Variants in SDK1 observed in about 807,000 individuals in gnomAD.
The protein encoded by SDK1 is protein sidekick-1.
Under a neutral mutation model 245.5 loss-of-function variants are expected in SDK1, and 157 were observed. The observed-to-expected ratio is 0.64, with a 90% confidence interval of 0.56 to 0.73. The LOEUF (loss-of-function observed/expected upper bound fraction) is 0.73. Ranked by LOEUF, SDK1 falls within the 30% of genes least tolerant of loss-of-function variation. The pLI is 0.00. For missense variants in SDK1, 3,583 were observed against 3,002.3 expected (o/e 1.19, Z -4.52); for synonymous variants, 1,647 against 1,278.5 (o/e 1.29, Z -6.15).
In SDK1 at chr7:4,105,217, C is replaced by T. The variant is rs192539219; in HGVS notation, c.3325-5446C>T. On this transcript the variant is annotated intron_variant, in intron 22 of 44. Coordinates refer to ENST00000404826, the MANE Select transcript of SDK1 (RefSeq NM_152744.4). Reference sequence around the variant, plus strand: ...AGGCTGATCTTGAACTCCTGACCTCCGGTGATCCACTTGCCTTGGTCTCCC... The same window carrying T: ...AGGCTGATCTTGAACTCCTGACCTCTGGTGATCCACTTGCCTTGGTCTCCC... 6.1e-3 allele frequency among the ~76,000 whole-genome samples: 930 copies of T among 151,594 alleles called. 11 individuals carry two copies. The highest frequency in any genetic ancestry group is 0.022 in the African/African-American group (900 of 41,298).
At position 3,418,145 on chromosome 7, in the gene SDK1, G is replaced by GAAAAAAAAAAAAAAAAAA. The variant is rs200914826; in HGVS notation, c.298+116267_298+116284dup. Among the ~76,000 whole-genome samples, 15 of 119,728 alleles carry GAAAAAAAAAAAAAAAAAA rather than the reference G, an allele frequency of 1.3e-4. 2 individuals carry two copies. The highest frequency in any genetic ancestry group is 5.8e-4 in the African/African-American group (15 of 25,784). The allele number at this position is 119,728 out of a possible 152,430, so 78.5% of individuals were successfully genotyped here. On this transcript the variant is annotated intron_variant, in intron 1 of 44. Coordinates refer to ENST00000404826, the MANE Select transcript of SDK1 (RefSeq NM_152744.4). The stretch of plus-strand genomic sequence containing the variant: ...GTGAAACCCGATCTCTACTAAAAAT[G>GAAAAAAAAAAAAAAAAAA]AAAAAAAAAAAAAAAAAAAAAAATA...
intron 28 of SDK1, among the ~76,000 whole-genome samples, chr7:4,135,385 A>G (rs373227201): frequency 6.6e-6 from 1 of 152,214 alleles, no homozygotes; most frequent in East Asian, 1.9e-4. Context: ...GACGCTCTGC[A>G]CTTCCAGGCC....
intron 1 of SDK1, among the ~76,000 whole-genome samples, chr7:3,474,336 C>CG (rs933032761): frequency 6.6e-6 from 1 of 151,670 alleles, no homozygotes; most frequent in African/African-American, 2.4e-5. Flanking sequence ...CCTCGTTGTC[C>CG]GCCTGCCTCA....
At position 4,268,369 on chromosome 7, in the gene SDK1, G is replaced by T. The variant is rs748017123; in HGVS notation, c.*2985G>T. 90 of 1,058,166 alleles carry T rather than the reference G, an allele frequency of 8.5e-5. No homozygotes were observed. The highest frequency in any genetic ancestry group is 1.0e-4 in the Non-Finnish European group (88 of 871,148). 65.5% of individuals were successfully genotyped at this position (1,058,166 alleles called of 1,614,324 possible). A position where few individuals can be genotyped will look rare whatever the true frequency, so the allele number is the denominator to read the frequency against. On this transcript the variant is annotated 3_prime_UTR_variant, in exon 45 of 45. Coordinates refer to ENST00000404826, the MANE Select transcript of SDK1 (RefSeq NM_152744.4). ...CCAGGCCACACCCCCTCGGCCTCCT[G>T]CACGGCCACCTTCTGGGTGAATCGG...
chr7:4,012,036 T>A (rs1390084875), intron 15 of SDK1, 59 bp from the exon 16 acceptor site: 11 of 1,325,450 alleles, frequency 8.3e-6, no homozygotes, highest in Non-Finnish European at 1.1e-5. Context: ...GAAATGCAAA[T>A]GGGCCCCCGC....
chr7:3,332,408 T>C (rs1173274001), intron 1 of SDK1, among the ~76,000 whole-genome samples: 2 of 152,204 alleles, frequency 1.3e-5, no homozygotes, highest in African/African-American at 2.4e-5. Flanking sequence ...TAAATTCTTA[T>C]TCTGTGGGTG....
chr7:3,628,252 AT>A (rs1782179846), intron 2 of SDK1, among the ~76,000 whole-genome samples: 1 of 152,118 alleles, frequency 6.6e-6, no homozygotes, highest in Non-Finnish European at 1.5e-5. Flanking sequence ...TAATTCCCTC[AT>A]AATGCTTATC....
Position 3,460,611 on chromosome 7 carries a change from A to G in SDK1, c.299-158469A>G, listed in dbSNP as rs1020573819. 4.6e-5 allele frequency among the ~76,000 whole-genome samples: 7 copies of G among 152,282 alleles called. No individual in the cohort carries two copies. The East Asian group carries it at 5.8e-4, about 13-fold the overall frequency. On this transcript the variant is annotated intron_variant, in intron 1 of 44. Coordinates refer to ENST00000404826, the MANE Select transcript of SDK1 (RefSeq NM_152744.4). ...CAGATTTAATGACCTGAATCTTGCCATTTCTTTTCTTTAGGCCTACCCTTA... is the reference window on the plus strand; with the variant it reads ...CAGATTTAATGACCTGAATCTTGCCGTTTCTTTTCTTTAGGCCTACCCTTA...
intron 5 of SDK1, among the ~76,000 whole-genome samples, chr7:3,938,038 T>C (rs1780221662): frequency 6.6e-6 from 1 of 152,088 alleles, no homozygotes; most frequent in South Asian, 2.1e-4. Flanking sequence ...GATTTCACCA[T>C]GTTGCCCACA....
At chr7:3,796,185 G>C (rs1370143705) in intron 4 of SDK1, among the ~76,000 whole-genome samples, 1 of 152,182 alleles carries the variant, frequency 6.6e-6, no homozygotes, top group Non-Finnish European at 1.5e-5. Context: ...ATGAAAGGGA[G>C]AATTGAATTT....
In SDK1 at chr7:3,526,937, A is replaced by T. The variant is rs189084004; in HGVS notation, c.299-92143A>T. 9.9e-5 allele frequency among the ~76,000 whole-genome samples: 15 copies of T among 152,216 alleles called. No homozygotes were observed. In the East Asian group the frequency reaches 2.9e-3, roughly 29 times the overall value. On this transcript the variant is annotated intron_variant, in intron 1 of 44. Coordinates refer to ENST00000404826, the MANE Select transcript of SDK1 (RefSeq NM_152744.4). ...TTGAGACACTCTCTGCTTACCTTTT[A>T]TAATGTTCAGACAGGAGGTTGTCAG...
chr7:3,435,846 C>T (rs555797924), intron 1 of SDK1, among the ~76,000 whole-genome samples: 2 of 152,292 alleles, frequency 1.3e-5, no homozygotes, highest in South Asian at 4.1e-4. Flanking sequence ...TACTTACTCT[C>T]AAACTTATAT....
At chr7:3,562,431 C>A (rs1276675008) in intron 1 of SDK1, among the ~76,000 whole-genome samples, 3 of 152,136 alleles carry the variant, frequency 2.0e-5, no homozygotes, top group African/African-American at 7.2e-5. Context: ...GTTCTGAATA[C>A]CATGTTAGCT....
At chr7:4,157,988 A>G (rs1293193971) in intron 30 of SDK1, among the ~76,000 whole-genome samples, 3 of 152,168 alleles carry the variant, frequency 2.0e-5, no homozygotes, top group African/African-American at 7.2e-5. Flanking sequence ...ACTTCGGATC[A>G]GCACAAGGGC....
chr7:4,193,356 A>T (rs1783345125), intron 35 of SDK1, among the ~76,000 whole-genome samples: 1 of 105,768 alleles, frequency 9.5e-6, no homozygotes, highest in African/African-American at 3.8e-5. Flanking sequence ...TAATATATTT[A>T]TATATATTAA....
intron 1 of SDK1, among the ~76,000 whole-genome samples, chr7:3,584,254 G>A (rs1033554363): frequency 1.3e-5 from 2 of 152,070 alleles, no homozygotes; most frequent in African/African-American, 4.8e-5. Context: ...ATCTCCAAAC[G>A]TATTTGACCA....
chr7:4,093,697 G>C (rs1402518918), intron 22 of SDK1, among the ~76,000 whole-genome samples: 3 of 152,198 alleles, frequency 2.0e-5, no homozygotes, highest in Admixed American at 6.5e-5. Context: ...ACAGCGTTTG[G>C]AATGACGCAT....
intron 5 of SDK1, among the ~76,000 whole-genome samples, chr7:3,911,144 A>G (rs1779148666): frequency 2.0e-5 from 3 of 152,104 alleles, no homozygotes; most frequent in African/African-American, 7.2e-5. Flanking sequence ...AAGGACACAT[A>G]AAAAAAATTA....
At chr7:3,992,206 A>G (rs1277874290) in intron 14 of SDK1, among the ~76,000 whole-genome samples, 3 of 152,210 alleles carry the variant, frequency 2.0e-5, no homozygotes. Flanking sequence ...CATTCCTGCC[A>G]CTGCAGAAGG....
Sources: allele counts gnomAD v4.1 joint callset (sites outside exome capture counted in the v4.1 genomes callset), GRCh38; gene constraint gnomAD v4.1.1; transcripts MANE v1.5; gene names NCBI Gene and HGNC (gene_info 2026-07-23, HGNC 2026-07-21).